Variants in SETD1A observed in about 807,000 individuals in gnomAD.
SETD1A encodes the protein histone-lysine N-methyltransferase SETD1A.
SETD1A carries 29 observed loss-of-function variants against 149.9 expected under a neutral mutation model. The observed-to-expected ratio is 0.19, with a 90% CI of 0.14 to 0.26. The LOEUF is 0.26. Ranked by LOEUF, SETD1A falls within the 10% of genes least tolerant of loss-of-function variation. SETD1A has a pLI of 1.00. For missense variants in SETD1A, 2,109 were observed against 2,353.1 expected, an observed-to-expected ratio of 0.90 and a Z score of 2.15; for synonymous variants, 1,141 against 968.5, an observed-to-expected ratio of 1.18 and a Z score of -3.31.
chr16:30,970,313 G>C (rs1461781375), intron 12 of SETD1A, among the ~76,000 whole-genome samples: 2 of 147,920 alleles, frequency 1.4e-5, no homozygotes, highest in Non-Finnish European at 3.0e-5. Context: ...TGTCACCCAG[G>C]CTGGAGTGCA....
rs1219140788 is a variant in SETD1A, at chr16:30,983,985, C to T, written c.5086C>T (p.Leu1696=). ...FPLEDNKIPC[L]CGTESCRGSL... is the part of the protein sequence containing the mutation. Reference sequence around the variant, plus strand: ...ACTGGAAGACAACAAGATCCCGTGTCTGTGTGGCACAGAGAGCTGCCGGGG... The same window carrying T: ...ACTGGAAGACAACAAGATCCCGTGTTTGTGTGGCACAGAGAGCTGCCGGGG... Residue 1696 remains leucine, a synonymous_variant, in exon 19 of 19, where the codon CTG becomes TTG. Transcript: ENST00000262519. The surrounding 1 kb of genome is among the most constrained non-coding windows in gnomAD (Gnocchi z 6.8). The T allele has an allele frequency of 1.2e-6, 2 of 1,613,898 alleles. No individual in the cohort carries two copies. Among genetic ancestry groups the T allele is most frequent in the Non-Finnish European group, 1.7e-6 (2 of 1,179,934 alleles).
chr16:30,971,800 T>C (rs1476773133), intron 13 of SETD1A, 81 bp downstream of exon 13: 1 of 1,455,648 alleles, frequency 6.9e-7, no homozygotes, highest in African/African-American at 1.4e-5. Context: ...ATTTATTGTG[T>C]ACAAGTGTGT....
At chr16:30,963,588 A>G in intron 5 of SETD1A, 34 bp downstream of exon 5, 4 of 1,598,678 alleles carry the variant, frequency 2.5e-6, no homozygotes, top group South Asian at 1.1e-5. Context: ...GCCCCTAGCC[A>G]TGTGGGCATG....
Position 30,984,155 on chromosome 16 carries a change from A to G in SETD1A, c.*132A>G. ...CTCCAAGCGTGGGGTTGGGGGCCCC[A>G]AGCCCAGCGAGGGAGCCTCAGTCCC... On this transcript the variant is annotated 3_prime_UTR_variant, in exon 19 of 19. Coordinates refer to ENST00000262519, the MANE Select transcript of SETD1A (RefSeq NM_014712.3). The G allele has an allele frequency of 1.3e-6, 1 of 790,136 alleles. No individual in the cohort carries two copies. Among genetic ancestry groups the G allele is most frequent in the Non-Finnish European group, 1.9e-6 (1 of 515,468 alleles). 48.9% of individuals were successfully genotyped at this position (790,136 alleles called of 1,614,324 possible). A position where few individuals can be genotyped will look rare whatever the true frequency, so the allele number is the denominator to read the frequency against.
chr16:30,980,240 G>A lies in SETD1A; in HGVS notation c.4408+46G>A, dbSNP rs567530347. The A allele has an allele frequency of 1.5e-5, 23 of 1,544,252 alleles. No individual in the cohort carries two copies. Among genetic ancestry groups the A allele is most frequent in the East Asian group, 9.2e-5 (4 of 43,622 alleles). On this transcript the variant is annotated intron_variant, in intron 14 of 18. Transcript: ENST00000262519. This position sits in a 1 kb window ranked among gnomAD's most constrained non-coding sequence, Gnocchi z 7.7. ...CTTCCCCGGGCTTGGGTCCTCCCCC[G>A]ACCCCTCCAGGCACCTGCATCTGTG... is the stretch of plus-strand genomic sequence containing the variant.
intron 13 of SETD1A, among the ~76,000 whole-genome samples, chr16:30,975,178 C>T (rs2056269953): frequency 6.6e-6 from 1 of 151,658 alleles, no homozygotes; most frequent in South Asian, 2.1e-4. Flanking sequence ...TGCATGCTGG[C>T]AGGCGCCTGT....
At chr16:30,966,435 A>T in intron 8 of SETD1A, 49 bp downstream of exon 8, 1 of 1,546,398 alleles carries the variant, frequency 6.5e-7, no homozygotes, top group Non-Finnish European at 8.7e-7. Flanking sequence ...GCAGGAGGAA[A>T]TGGGCCTCTG....
intron 1 of SETD1A, chr16:30,958,470 C>T: frequency 6.4e-6 from 3 of 468,390 alleles, no homozygotes; most frequent in South Asian, 2.8e-5. Flanking sequence ...CTAGGGAGAG[C>T]GGGAAGGTAA....
Position 30,964,925 on chromosome 16 carries a change from G to T in SETD1A, c.1183G>T (p.Ala395Ser), listed in dbSNP as rs760074771. The stretch of plus-strand genomic sequence containing the variant: ...GGCCACACGGGAGGAACCCCCTGGA[G>T]CCCCTTTTGCTGAAAATACAGCTGA... ...RRATREEPPG[A>S]PFAENTAERF... Residue 395 changes from alanine (A) to serine (S), a missense_variant, in exon 7 of 19, where the codon GCC becomes TCC. This residue lies in a region of SETD1A where 410 missense variants were observed against 394.8 expected (regional missense o/e 1.04). Coordinates refer to ENST00000262519, the MANE Select transcript of SETD1A (RefSeq NM_014712.3). 6.2e-7 allele frequency: 1 copy of T among 1,614,048 alleles called. No individual in the cohort carries two copies. Among genetic ancestry groups the T allele is most frequent in the South Asian group, 1.1e-5 (1 of 91,076 alleles).
chr16:30,966,014 T>TGGGGAGGCCTTC lies in SETD1A; in HGVS notation c.2134_2145dup (p.Gly712_Phe715dup). On this transcript the variant is annotated inframe_insertion, in exon 8 of 19. Transcript: ENST00000262519. ...CAGCTGGCCCCCCCGGTGGGGCCTT[T>TGGGGAGGCCTTC]GGGGAGGCCTTCCTCCCGTTTCCAC... is the stretch of plus-strand genomic sequence containing the variant. 6.4e-7 allele frequency: 1 copy of TGGGGAGGCCTTC among 1,568,130 alleles called. No homozygotes were observed. The highest frequency in any genetic ancestry group is 8.6e-7 in the Non-Finnish European group (1 of 1,157,320).
intron 10 of SETD1A, among the ~76,000 whole-genome samples, chr16:30,968,630 G>A (rs1212446567): frequency 4.0e-5 from 6 of 151,580 alleles, no homozygotes; most frequent in Non-Finnish European, 8.8e-5. Context: ...GTGAAACCCC[G>A]TCTCTACTAA....
At chr16:30,971,343 C>T (rs2056220932) in intron 12 of SETD1A, 35 bp from the exon 13 acceptor site, 3 of 1,549,276 alleles carry the variant, frequency 1.9e-6, no homozygotes, top group Non-Finnish European at 2.6e-6. Context: ...GTGAGGTCTG[C>T]CCACCTCTCC....
chr16:30,978,830 C>A (rs1355271446), intron 13 of SETD1A, among the ~76,000 whole-genome samples: 1 of 152,212 alleles, frequency 6.6e-6, no homozygotes, highest in Non-Finnish European at 1.5e-5. Context: ...TGGTGCCGCC[C>A]TTCTCAGCGT....
Position 30,981,096 on chromosome 16 carries a change from G to C in SETD1A, c.4728G>C (p.Arg1576=), listed in dbSNP as rs745895160. Residue 1576 remains arginine, a synonymous_variant, in exon 17 of 19, where the codon CGG becomes CGC. Transcript: ENST00000262519. ...RKKKLRFGRS[R]IHEWGLFAME... is the part of the protein sequence containing the mutation. The stretch of plus-strand genomic sequence containing the variant: ...AGAAGCTCCGATTTGGCCGGAGCCG[G>C]ATCCACGAGTGGGGTCTGTTTGCCA... 1 of 1,614,108 alleles carries C rather than the reference G, an allele frequency of 6.2e-7. No individual in the cohort carries two copies. Among genetic ancestry groups the C allele is most frequent in the African/African-American group, 1.3e-5 (1 of 74,936 alleles).
intron 17 of SETD1A, among the ~76,000 whole-genome samples, chr16:30,982,174 G>A (rs2056387564): frequency 6.6e-6 from 1 of 152,166 alleles, no homozygotes; most frequent in Admixed American, 6.5e-5. Context: ...CGGTCGTCTT[G>A]TGAGAGTGTG....
rs1289046978 is a variant in SETD1A at position 30,969,106 on chromosome 16, CCAAAAA to C, written c.2771-188_2771-183del. 2.6e-5 allele frequency among the ~76,000 whole-genome samples: 4 copies of C among 152,176 alleles called. No individual in the cohort carries two copies. In the East Asian group the frequency reaches 7.7e-4, roughly 29 times the overall value. Reference sequence around the variant, plus strand: ...CTGAGTGACAGAGCAAGACCCCGTCCCAAAAACAAAAACAAATACAAAACTATGAAA... The same window carrying C: ...CTGAGTGACAGAGCAAGACCCCGTCCCAAAAACAAATACAAAACTATGAAA... On this transcript the variant is annotated intron_variant, in intron 10 of 18. Coordinates refer to ENST00000262519, the MANE Select transcript of SETD1A (RefSeq NM_014712.3).
chr16:30,958,964 G>C, intron 2 of SETD1A, 83 bp downstream of exon 2: 1 of 1,559,442 alleles, frequency 6.4e-7, no homozygotes, highest in Non-Finnish European at 8.8e-7. Flanking sequence ...TAGAACGGTA[G>C]CCTGCCTTCT....
At chr16:30,967,178 G>C in intron 9 of SETD1A, 118 bp downstream of exon 9, 1 of 764,776 alleles carries the variant, frequency 1.3e-6, no homozygotes, top group Non-Finnish European at 2.0e-6. Flanking sequence ...TTTTGAGATG[G>C]AGTCTTACTC....
rs1191206202 is a variant in SETD1A, at chr16:30,965,077, TGGA to T, written c.1341_1343del (p.Gly448del). The T allele has an allele frequency of 1.9e-6, 3 of 1,608,666 alleles. No individual in the cohort carries two copies. Among genetic ancestry groups the T allele is most frequent in the Non-Finnish European group, 2.5e-6 (3 of 1,178,758 alleles). On this transcript the variant is annotated inframe_deletion, in exon 7 of 19. Transcript: ENST00000262519. Reference sequence around the variant, plus strand: ...CTCCAGAACCTGGTGGAGGCGGGGGTGGAGGAGGGCCCAGCCCTGAGAGAGAAG... The same window carrying T: ...CTCCAGAACCTGGTGGAGGCGGGGGTGGAGGGCCCAGCCCTGAGAGAGAAG...
Sources: gnomAD v4.1 joint callset for allele counts (sites outside exome capture counted in the v4.1 genomes callset) on GRCh38, gnomAD v4.1.1 for gene constraint, gnomAD v4.1.1 regional missense constraint, Gnocchi (gnomAD v3.1) non-coding constraint, MANE v1.5 for transcripts, NCBI Gene and HGNC (gene_info 2026-07-23, HGNC 2026-07-21) for gene names.